The following SRP54 variants were observed in gnomAD, a reference collection of about 807,000 sequenced individuals.
SRP54 encodes the protein signal recognition particle 54.
SRP54 carries 10 observed loss-of-function variants against 64.8 expected under a neutral mutation model. The observed-to-expected ratio is 0.15, with a 90% CI of 0.10 to 0.26. The LOEUF is 0.26. SRP54 is among the 10% of genes least tolerant of loss of function. SRP54 has a pLI of 1.00. For missense variants in SRP54, 325 were observed against 613.7 expected, an observed-to-expected ratio of 0.53 and a Z score of 4.97; for synonymous variants, 193 against 185.6, an observed-to-expected ratio of 1.04 and a Z score of -0.32.
intron 1 of SRP54, among the ~76,000 whole-genome samples, chr14:34,984,966 G>A (rs2043871229): frequency 6.7e-6 from 1 of 149,548 alleles, no homozygotes; most frequent in African/African-American, 2.5e-5. Flanking sequence ...TATAAAAGCA[G>A]TGATTGTCAG....
At chr14:35,020,217 C>G (rs1225641747) in intron 13 of SRP54, among the ~76,000 whole-genome samples, 1 of 151,980 alleles carries the variant, frequency 6.6e-6, no homozygotes, top group East Asian at 1.9e-4. Context: ...TAGTTTATTG[C>G]TAAAAATGCT....
At chr14:35,019,600 C>T (rs979053083) in intron 13 of SRP54, among the ~76,000 whole-genome samples, 2 of 152,188 alleles carry the variant, frequency 1.3e-5, no homozygotes, top group Non-Finnish European at 2.9e-5. Context: ...AAATGGATAG[C>T]TTAAGCAATG....
chr14:35,009,739 G>C (rs1329822750), intron 7 of SRP54, among the ~76,000 whole-genome samples: 1 of 152,044 alleles, frequency 6.6e-6, no homozygotes, highest in Non-Finnish European at 1.5e-5. Flanking sequence ...CAGGAAATTG[G>C]AAACACTGCC....
At chr14:35,028,266 T>C (rs2044666842) in intron 15 of SRP54, 83 bp downstream of exon 15, 22 of 832,400 alleles carry the variant, frequency 2.6e-5, no homozygotes, top group Middle Eastern at 4.6e-4. Flanking sequence ...TATTGTAATA[T>C]TATGAAAATA....
intron 1 of SRP54, among the ~76,000 whole-genome samples, chr14:34,991,356 CT>C (rs1206806770): frequency 6.6e-6 from 1 of 151,890 alleles, no homozygotes; most frequent in African/African-American, 2.4e-5. Context: ...TCTCGAACTC[CT>C]GACCTCAGGC....
At chr14:34,995,426 G>C (rs753713983) in intron 1 of SRP54, among the ~76,000 whole-genome samples, 2 of 151,960 alleles carry the variant, frequency 1.3e-5, no homozygotes, top group Non-Finnish European at 2.9e-5. Flanking sequence ...CAGTTTGAAG[G>C]CAAGAAAAGC....
At chr14:35,000,321 A>G (rs925278767) in intron 3 of SRP54, among the ~76,000 whole-genome samples, 1 of 152,052 alleles carries the variant, frequency 6.6e-6, no homozygotes, top group Non-Finnish European at 1.5e-5. Context: ...TAATCCCAGC[A>G]CTTTGGGAGG....
intron 1 of SRP54, among the ~76,000 whole-genome samples, chr14:34,993,645 G>A (rs549393690): frequency 6.6e-6 from 1 of 151,976 alleles, no homozygotes; most frequent in South Asian, 2.1e-4. Context: ...TTTCTCTATG[G>A]TGAATGAGTC....
chr14:34,999,879 A>G (rs1180529014), intron 3 of SRP54: 8 of 325,410 alleles, frequency 2.5e-5, no homozygotes, highest in Non-Finnish European at 4.0e-5. Context: ...ATTTTTTTCT[A>G]TTTTACTAGT....
chr14:35,009,381 G>A (rs1406877407), intron 7 of SRP54, among the ~76,000 whole-genome samples: 1 of 127,246 alleles, frequency 7.9e-6, no homozygotes, highest in Non-Finnish European at 1.8e-5. Flanking sequence ...TTCTATCTGA[G>A]TTTTTGGTGG....
intron 1 of SRP54, among the ~76,000 whole-genome samples, chr14:34,986,871 G>T (rs1255886676): frequency 1.4e-5 from 2 of 147,446 alleles, no homozygotes; most frequent in African/African-American, 5.0e-5. Flanking sequence ...GTGAGACTCT[G>T]TCTCAAAAAA....
intron 5 of SRP54, among the ~76,000 whole-genome samples, chr14:35,008,387 T>C (rs1391450824): frequency 6.6e-6 from 1 of 152,216 alleles, no homozygotes; most frequent in Non-Finnish European, 1.5e-5. Context: ...GTAGTTAACA[T>C]TTTTTGCTAT....
At chr14:34,997,487 A>G (rs530865984) in intron 2 of SRP54, among the ~76,000 whole-genome samples, 1 of 152,350 alleles carries the variant, frequency 6.6e-6, no homozygotes, top group South Asian at 2.1e-4. Context: ...CACTGTAGCT[A>G]TTTAGCAGCT....
chr14:35,007,336 GATT>G lies in SRP54; in HGVS notation c.312_314del (p.Ile104del). 6.3e-7 allele frequency: 1 copy of G among 1,595,256 alleles called. No homozygotes were observed. Among genetic ancestry groups the G allele is most frequent in the Non-Finnish European group, 8.6e-7 (1 of 1,167,296 alleles). On this transcript the variant is annotated inframe_deletion, in exon 5 of 16. Transcript: ENST00000216774. ...CACCCACTAAAGGAAAACAAAATGT[GATT>G]ATGTTTGTTGGATTGCAAGGGAGTG...
intron 1 of SRP54, among the ~76,000 whole-genome samples, chr14:34,992,768 A>G (rs576333799): frequency 1.8e-4 from 28 of 152,304 alleles, no homozygotes; most frequent in African/African-American, 6.5e-4. Context: ...AAACATACAC[A>G]TGTACCCTCT....
At chr14:34,998,382 C>A (rs2044102864) in intron 2 of SRP54, among the ~76,000 whole-genome samples, 1 of 152,120 alleles carries the variant, frequency 6.6e-6, no homozygotes, top group Admixed American at 6.5e-5. Context: ...TGCAATTCAA[C>A]AAACATATGA....
chr14:34,985,715 C>CTGCA (rs1421561871), intron 1 of SRP54, among the ~76,000 whole-genome samples: 1 of 152,162 alleles, frequency 6.6e-6, no homozygotes, highest in Non-Finnish European at 1.5e-5. Flanking sequence ...TGAACCCTTG[C>CTGCA]TGCACATCAA....
intron 14 of SRP54, among the ~76,000 whole-genome samples, 198 bp downstream of exon 14, chr14:35,023,278 G>A (rs1158660064): frequency 6.6e-6 from 1 of 150,914 alleles, no homozygotes; most frequent in South Asian, 2.1e-4. Flanking sequence ...TTACATCTGT[G>A]TAGTGTGGGT....
chr14:35,027,952 AATT>A (rs1157078902), intron 14 of SRP54, 133 bp from the exon 15 acceptor site: 1 of 453,592 alleles, frequency 2.2e-6, no homozygotes, highest in African/African-American at 2.0e-5. Context: ...AAATAGAAAG[AATT>A]ATGTTAGAGT....
Sources: gnomAD v4.1 joint callset for allele counts (sites outside exome capture counted in the v4.1 genomes callset) on GRCh38, gnomAD v4.1.1 for gene constraint, MANE v1.5 for transcripts, NCBI Gene and HGNC (gene_info 2026-07-23, HGNC 2026-07-21) for gene names.